SMG6: variants seen among roughly 807,000 people sequenced by gnomAD.
SMG6 encodes SMG6 nonsense mediated mRNA decay factor, also known as telomerase-binding protein EST1A.
A neutral mutation model predicts 142.2 loss-of-function variants in SMG6; 66 were observed. The ratio of observed to expected loss-of-function variants is 0.46; its 90% CI spans 0.38 to 0.57. The LOEUF is 0.57. Among genes scored for constraint, SMG6 ranks in the 20% least tolerant of loss-of-function variants. The pLI is 0.00. For synonymous variants in SMG6, 779 were observed against 702.4 expected, an observed-to-expected ratio of 1.11 and a Z score of -1.72; for missense variants, 1,793 against 1,832.0, an observed-to-expected ratio of 0.98 and a Z score of 0.39.
intron 10 of SMG6, among the ~76,000 whole-genome samples, chr17:2,211,753 T>C (rs1055425325): frequency 9.2e-5 from 14 of 151,818 alleles, no homozygotes; most frequent in African/African-American, 3.1e-4. Flanking sequence ...CATAGACACA[T>C]AGAAGGAATA....
At chr17:2,252,579 A>G (rs1025147579) in intron 8 of SMG6, among the ~76,000 whole-genome samples, 2 of 152,222 alleles carry the variant, frequency 1.3e-5, no homozygotes, top group African/African-American at 4.8e-5. Flanking sequence ...GTTAATTATC[A>G]GGAAGTCACA....
intron 13 of SMG6, among the ~76,000 whole-genome samples, chr17:2,104,022 G>A (rs1305275468): frequency 6.6e-6 from 1 of 151,174 alleles, no homozygotes; most frequent in Non-Finnish European, 1.5e-5. Flanking sequence ...CACGATCTCA[G>A]CTCACTGCAA....
At chr17:2,155,104 G>A (rs1029482354) in intron 13 of SMG6, among the ~76,000 whole-genome samples, 1 of 151,210 alleles carries the variant, frequency 6.6e-6, no homozygotes, top group Non-Finnish European at 1.5e-5. Flanking sequence ...CCAGGCTGGA[G>A]TGCAGTGGTG....
In SMG6 at chr17:2,188,387, C is replaced by G. The variant is rs1421314087; in HGVS notation, c.2986+12G>C. On this transcript the variant is annotated intron_variant, in intron 11 of 18. Coordinates refer to ENST00000263073, the MANE Select transcript of SMG6 (RefSeq NM_017575.5). ...TGGAAAGCCCACCAGGCTGGGGACT[C>G]CTCCTGCTTACCTTTGGCGGACTCC... The G allele has an allele frequency of 6.2e-7, 1 of 1,612,512 alleles. No individual in the cohort carries two copies. The highest frequency in any genetic ancestry group is 1.3e-5 in the African/African-American group (1 of 74,838).
chr17:2,299,419 C>T lies in SMG6; in HGVS notation c.1334G>A (p.Ser445Asn). Reference protein sequence around the residue: ...LFGSGSKGSRSWGRGGTTRRL... With the variant: ...LFGSGSKGSRNWGRGGTTRRL... ...GCGTGTGGTGCCTCCACGGCCCCAA[C>T]TCCGAGATCCCTTACTACCAGATCC... Residue 445 changes from serine (S) to asparagine (N), a missense_variant, in exon 2 of 19, where the codon AGT (serine) becomes AAT (asparagine). Coordinates refer to ENST00000263073, the MANE Select transcript of SMG6 (RefSeq NM_017575.5). The surrounding 1 kb of genome is among the most constrained non-coding windows in gnomAD (Gnocchi z 4.3). The T allele has an allele frequency of 1.2e-6, 2 of 1,613,978 alleles. No homozygotes were observed. The highest frequency in any genetic ancestry group is 8.5e-7 in the Non-Finnish European group (1 of 1,180,048).
intron 10 of SMG6, among the ~76,000 whole-genome samples, chr17:2,231,640 T>TG (rs1291600751): frequency 6.6e-6 from 1 of 151,982 alleles, no homozygotes; most frequent in Non-Finnish European, 1.5e-5. Context: ...GAGGTTGCAG[T>TG]GAGCCGAGAT....
At chr17:2,298,610 T>G (rs898295792) in intron 2 of SMG6, among the ~76,000 whole-genome samples, 7 of 151,256 alleles carry the variant, frequency 4.6e-5, no homozygotes, top group Non-Finnish European at 1.5e-5. Context: ...CCCAGCTACT[T>G]GGGAGGCTGA....
intron 13 of SMG6, among the ~76,000 whole-genome samples, chr17:2,113,735 T>C (rs2760744): frequency 0.35 from 53,969 of 152,046 alleles, 10,282 homozygotes; most frequent in African/African-American, 0.49. Context: ...ATGGTCCCTA[T>C]TAATATCCAG....
At chr17:2,129,782 A>T (rs2070040409) in intron 13 of SMG6, among the ~76,000 whole-genome samples, 1 of 118,788 alleles carries the variant, frequency 8.4e-6, no homozygotes, top group Non-Finnish European at 1.7e-5. Context: ...TGACAGAGCA[A>T]GGCTCTGTCT....
At chr17:2,097,511 G>C (rs1024198745) in intron 13 of SMG6, among the ~76,000 whole-genome samples, 9 of 152,176 alleles carry the variant, frequency 5.9e-5, no homozygotes, top group African/African-American at 2.2e-4. Flanking sequence ...TGTTGAATCT[G>C]TAAGGGGGCA....
intron 13 of SMG6, among the ~76,000 whole-genome samples, chr17:2,138,608 G>A (rs1250156177): frequency 2.0e-5 from 3 of 152,146 alleles, no homozygotes; most frequent in Admixed American, 1.3e-4. Flanking sequence ...CCCCACATAT[G>A]AATCAGCAGA....
chr17:2,185,662 G>A (rs1218273893), intron 12 of SMG6, among the ~76,000 whole-genome samples: 1 of 152,074 alleles, frequency 6.6e-6, no homozygotes, highest in Non-Finnish European at 1.5e-5. Flanking sequence ...AGAGACAGGG[G>A]GCGAGGGCAG....
chr17:2,080,478 C>T (rs2068386065), intron 15 of SMG6, among the ~76,000 whole-genome samples: 1 of 152,232 alleles, frequency 6.6e-6, no homozygotes, highest in African/African-American at 2.4e-5. Context: ...ATTTATTCCT[C>T]TTCCCTGGCC....
chr17:2,287,724 G>C (rs951043514), intron 6 of SMG6, among the ~76,000 whole-genome samples: 2 of 152,178 alleles, frequency 1.3e-5, no homozygotes, highest in African/African-American at 4.8e-5. Flanking sequence ...CCCTCCAAAA[G>C]GAGGAAATTC....
chr17:2,150,932 C>G (rs900592290), intron 13 of SMG6, among the ~76,000 whole-genome samples: 2 of 151,984 alleles, frequency 1.3e-5, no homozygotes, highest in Non-Finnish European at 2.9e-5. Flanking sequence ...TTCCTTCCAC[C>G]TCTACCTGTA....
At chr17:2,160,197 G>C (rs2071132155) in intron 13 of SMG6, among the ~76,000 whole-genome samples, 2 of 152,080 alleles carry the variant, frequency 1.3e-5, no homozygotes, top group Admixed American at 6.6e-5. Flanking sequence ...GATTAATGAA[G>C]TAAAGGTATT....
At chr17:2,290,518 C>T (rs749548328) in intron 6 of SMG6, among the ~76,000 whole-genome samples, 1 of 152,150 alleles carries the variant, frequency 6.6e-6, no homozygotes, top group Non-Finnish European at 1.5e-5. Context: ...TAGAAAATAA[C>T]ACAACATTAA....
chr17:2,145,350 C>T (rs986618696), intron 13 of SMG6, among the ~76,000 whole-genome samples: 4 of 151,380 alleles, frequency 2.6e-5, no homozygotes, highest in African/African-American at 9.7e-5. Flanking sequence ...CTCCTGAGCT[C>T]AGGCAATCCA....
rs569370983 is a variant in SMG6, at chr17:2,087,738, A to T, written c.3358-1837T>A. ...ACAGAAGCAGGGGCTAAAAGGCATT[A>T]AAGAACAGAGCCGAAATGAGTAATA... is the stretch of plus-strand genomic sequence containing the variant. On this transcript the variant is annotated intron_variant, in intron 13 of 18. Coordinates refer to ENST00000263073, the MANE Select transcript of SMG6 (RefSeq NM_017575.5). 6.1e-6 allele frequency: 6 copies of T among 986,656 alleles called. No individual in the cohort carries two copies. The East Asian group carries it at 5.7e-4, about 93-fold the overall frequency. The allele number at this position is 986,656 out of a possible 1,614,324, so 61.1% of individuals were successfully genotyped here.
Sources: allele counts gnomAD v4.1 joint callset (sites outside exome capture counted in the v4.1 genomes callset), GRCh38; gene constraint gnomAD v4.1.1; non-coding constraint Gnocchi (gnomAD v3.1); transcripts MANE v1.5; gene names NCBI Gene and HGNC (gene_info 2026-07-23, HGNC 2026-07-21).